Variants in TENM4 observed in about 807,000 individuals in gnomAD.
TENM4 encodes the protein teneurin-4.
TENM4 carries 82 observed loss-of-function variants against 243.3 expected under a neutral mutation model. The ratio of observed to expected loss-of-function variants is 0.34; its 90% CI spans 0.28 to 0.40. The LOEUF (loss-of-function observed/expected upper bound fraction) is 0.40. Among genes scored for constraint, TENM4 ranks in the 10% least tolerant of loss-of-function variants. TENM4 has a pLI of 1.00. For missense variants in TENM4, 3,138 were observed against 3,673.3 expected (o/e 0.85, Z 3.77); for synonymous variants, 1,412 against 1,456.3 (o/e 0.97, Z 0.69).
At chr11:78,923,241 A>G (rs559447192) in intron 6 of TENM4, among the ~76,000 whole-genome samples, 110 of 152,210 alleles carry the variant, frequency 7.2e-4, no homozygotes, top group Non-Finnish European at 1.4e-3. Flanking sequence ...TTCTGAAAAA[A>G]TTTTGAACCA....
chr11:78,930,854 C>T (rs980457825), intron 6 of TENM4, among the ~76,000 whole-genome samples: 10 of 152,284 alleles, frequency 6.6e-5, no homozygotes, highest in East Asian at 1.9e-4. Context: ...AAGAAAAATT[C>T]GACACACTCT....
rs1258088576 is a variant in TENM4, at chr11:79,138,900, TATTTCTATAAATATATATTAC to T, written c.-66+9789_-66+9809del. On this transcript the variant is annotated intron_variant, in intron 4 of 33. Coordinates refer to ENST00000278550, the MANE Select transcript of TENM4 (RefSeq NM_001098816.3). ...ATATAAATATATAAAATATATATTA[TATTTCTATAAATATATATTAC>T]ATTTCCATAAATATATAAAATATAT... Among the ~76,000 whole-genome samples, 52 of 114,032 alleles carry T rather than the reference TATTTCTATAAATATATATTAC, an allele frequency of 4.6e-4. 6 individuals are homozygous for T. The highest frequency in any genetic ancestry group is 6.5e-4 in the Non-Finnish European group (40 of 61,188). The allele number at this position is 114,032 out of a possible 152,430, so 74.8% of individuals were successfully genotyped here. A position where few individuals can be genotyped will look rare whatever the true frequency, so the allele number is the denominator to read the frequency against.
intron 1 of TENM4, among the ~76,000 whole-genome samples, chr11:79,372,348 G>A (rs1291040739): frequency 1.3e-5 from 2 of 152,198 alleles, no homozygotes; most frequent in Admixed American, 6.5e-5. Context: ...AAGAAAGGGA[G>A]TTTAAAATTA....
At chr11:78,852,810 T>G (rs1407946317) in intron 12 of TENM4, among the ~76,000 whole-genome samples, 1 of 152,172 alleles carries the variant, frequency 6.6e-6, no homozygotes, top group Non-Finnish European at 1.5e-5. Context: ...AGTGCAGTAG[T>G]ATGATCATAG....
rs543377619 is a variant in TENM4, at chr11:78,881,249, G to A, written c.1084+8536C>T. 3.3e-5 allele frequency among the ~76,000 whole-genome samples: 5 copies of A among 152,176 alleles called. No individual in the cohort carries two copies. In the South Asian group the frequency reaches 6.2e-4, roughly 19 times the overall value. ...CACAGGGGAAGACAGATGTCATCCC[G>A]CTGCCTTCCACACTCACTCTCTATC... On this transcript the variant is annotated intron_variant, in intron 9 of 33. Coordinates refer to ENST00000278550, the MANE Select transcript of TENM4 (RefSeq NM_001098816.3).
intron 6 of TENM4, among the ~76,000 whole-genome samples, chr11:78,975,732 G>A (rs1857641131): frequency 6.6e-6 from 1 of 151,290 alleles, no homozygotes; most frequent in African/African-American, 2.4e-5. Context: ...CTCAGATACT[G>A]GAGGAATGAT....
rs559197620 is a variant in TENM4, at chr11:78,677,806, G to T, written c.5261-1419C>A. The stretch of plus-strand genomic sequence containing the variant: ...TTTTTATTATACTCTAAGTTTTAGG[G>T]TACATGTGCACATTGTGCAGGTTAG... On this transcript the variant is annotated intron_variant, in intron 29 of 33. Coordinates refer to ENST00000278550, the MANE Select transcript of TENM4 (RefSeq NM_001098816.3). Among the ~76,000 whole-genome samples, 144 of 147,510 alleles carry T rather than the reference G, an allele frequency of 9.8e-4. 2 individuals are homozygous for T. Among genetic ancestry groups the T allele is most frequent in the Middle Eastern group, 7.1e-3 (2 of 282 alleles).
chr11:79,089,382 T>A (rs1860892921), intron 4 of TENM4, among the ~76,000 whole-genome samples: 1 of 152,152 alleles, frequency 6.6e-6, no homozygotes, highest in Admixed American at 6.5e-5. Context: ...GGTGTTCAAG[T>A]CAGAGCCTGG....
chr11:79,303,570 G>C (rs930137872), intron 1 of TENM4, among the ~76,000 whole-genome samples: 1 of 152,144 alleles, frequency 6.6e-6, no homozygotes, highest in African/African-American at 2.4e-5. Flanking sequence ...AAATAATTCA[G>C]TGAGTTAAGT....
At chr11:79,419,276 G>A (rs1427583219) in intron 1 of TENM4, among the ~76,000 whole-genome samples, 2 of 152,204 alleles carry the variant, frequency 1.3e-5, no homozygotes, top group Non-Finnish European at 1.5e-5. Context: ...TACCCGCTGA[G>A]TCAGTGGCCT....
chr11:78,841,795 C>T (rs1283515282), intron 12 of TENM4, among the ~76,000 whole-genome samples: 4 of 152,076 alleles, frequency 2.6e-5, no homozygotes, highest in African/African-American at 7.2e-5. Context: ...TAACTGTTTC[C>T]ACTCTATGCC....
intron 14 of TENM4, among the ~76,000 whole-genome samples, chr11:78,805,807 T>TA (rs1474416950): frequency 6.6e-6 from 1 of 152,220 alleles, no homozygotes; most frequent in African/African-American, 2.4e-5. Context: ...GAACATTGCC[T>TA]AGCACACAGG....
chr11:79,234,806 C>T (rs1376336386), intron 2 of TENM4, among the ~76,000 whole-genome samples: 1 of 152,300 alleles, frequency 6.6e-6, no homozygotes, highest in Non-Finnish European at 1.5e-5. Context: ...AAACAGTGTA[C>T]CCATGAATAC....
At chr11:78,852,526 T>G (rs990169217) in intron 12 of TENM4, among the ~76,000 whole-genome samples, 1 of 151,646 alleles carries the variant, frequency 6.6e-6, no homozygotes, top group East Asian at 2.0e-4. Context: ...CTACAAAACA[T>G]ACAAAAATTA....
At chr11:79,384,660 T>C (rs1189966155) in intron 1 of TENM4, among the ~76,000 whole-genome samples, 2 of 152,166 alleles carry the variant, frequency 1.3e-5, no homozygotes. Flanking sequence ...ACGCAGTGGC[T>C]CACGCCTGTA....
chr11:79,163,848 A>G (rs1186016124), intron 3 of TENM4, among the ~76,000 whole-genome samples: 1 of 145,972 alleles, frequency 6.9e-6, no homozygotes, highest in African/African-American at 2.5e-5. Context: ...TATTATATAT[A>G]CATATATACA....
At chr11:79,124,017 A>G (rs1478594436) in intron 4 of TENM4, among the ~76,000 whole-genome samples, 1 of 152,128 alleles carries the variant, frequency 6.6e-6, no homozygotes, top group Non-Finnish European at 1.5e-5. Flanking sequence ...CACAGAACAC[A>G]GCTTGGGAGC....
rs149907046 is a variant in TENM4 at position 79,168,540 on chromosome 11, A to G, written c.-162-19734T>C. On this transcript the variant is annotated intron_variant, in intron 3 of 33. Transcript: ENST00000278550. ...AGGGAGAGGAGAGAAAGCTAGACACATAGAGGAGCATCTGTTACATCATCA... is the reference window on the plus strand; with the variant it reads ...AGGGAGAGGAGAGAAAGCTAGACACGTAGAGGAGCATCTGTTACATCATCA... 1.6e-3 allele frequency among the ~76,000 whole-genome samples: 250 copies of G among 152,328 alleles called. 4 individuals are homozygous for G. In the South Asian group the frequency reaches 0.02, roughly 12 times the overall value.
At chr11:78,676,527 G>A in intron 29 of TENM4, 140 bp from the exon 30 acceptor site, 1 of 525,326 alleles carries the variant, frequency 1.9e-6, no homozygotes, top group African/African-American at 1.9e-5. Flanking sequence ...AAGAAAGCGA[G>A]GAAAATACAT....
Sources: gnomAD v4.1 joint callset for allele counts (sites outside exome capture counted in the v4.1 genomes callset) on GRCh38, gnomAD v4.1.1 for gene constraint, MANE v1.5 for transcripts, NCBI Gene and HGNC (gene_info 2026-07-23, HGNC 2026-07-21) for gene names.